LYPLAL1: variants seen among roughly 807,000 people sequenced by gnomAD.
LYPLAL1 encodes the protein lysophospholipase-like protein 1.
In LYPLAL1, 23 loss-of-function variants were observed where a neutral mutation model predicts 19.7. That is an observed-to-expected ratio of 1.17 (90% CI 0.84 to 1.65). The LOEUF is 1.65. LYPLAL1 is among the 40% of genes most tolerant of loss of function. The probability of loss-of-function intolerance (pLI) is 0.00; values close to 1 mark genes in which losing one functional copy is unlikely to be tolerated. For synonymous variants in LYPLAL1, 119 were observed against 96.3 expected (o/e 1.24, Z -1.38); for missense variants, 355 against 279.4 (o/e 1.27, Z -1.93).
chr1:219,225,817 T>C, the LYPLAL1 span, among the ~76,000 whole-genome samples: 1 of 152,116 alleles, frequency 6.6e-6, no homozygotes, highest in Non-Finnish European at 1.5e-5. Context: ...CTGCCTCTCG[T>C]CTCCCATGTT....
At chr1:219,443,880 C>A in the LYPLAL1 span, among the ~76,000 whole-genome samples, 4 of 152,198 alleles carry the variant, frequency 2.6e-5, no homozygotes, top group African/African-American at 9.6e-5. Flanking sequence ...GGGTACCAGG[C>A]TGGAACCAGC....
At chr1:219,204,625 A>C (rs1658397884) in intron 3 of LYPLAL1, among the ~76,000 whole-genome samples, 1 of 152,180 alleles carries the variant, frequency 6.6e-6, no homozygotes, top group Admixed American at 6.5e-5. Flanking sequence ...CTATTTAGGT[A>C]ATGTTTTAAG....
the LYPLAL1 span, among the ~76,000 whole-genome samples, chr1:219,266,151 T>C: frequency 6.6e-6 from 1 of 152,144 alleles, no homozygotes; most frequent in Non-Finnish European, 1.5e-5. Flanking sequence ...TAACATTTTT[T>C]TAAATTTTTG....
chr1:219,292,210 C>T, the LYPLAL1 span, among the ~76,000 whole-genome samples: 1 of 152,316 alleles, frequency 6.6e-6, no homozygotes, highest in Admixed American at 6.5e-5. Context: ...TGCTGACCCC[C>T]TTCACCTCTC....
At chr1:219,207,035 C>G (rs924055517) in intron 3 of LYPLAL1, among the ~76,000 whole-genome samples, 6 of 151,894 alleles carry the variant, frequency 4.0e-5, no homozygotes, top group Non-Finnish European at 7.4e-5. Context: ...ATGGTAGCCA[C>G]TAGCTACATG....
the LYPLAL1 span, among the ~76,000 whole-genome samples, chr1:219,307,426 T>C: frequency 6.6e-6 from 1 of 152,326 alleles, no homozygotes; most frequent in East Asian, 1.9e-4. Flanking sequence ...GGAATACTCA[T>C]TTTGGATTTT....
the LYPLAL1 span, among the ~76,000 whole-genome samples, chr1:219,275,168 T>C: frequency 8.1e-4 from 123 of 152,198 alleles, no homozygotes; most frequent in Non-Finnish European, 1.5e-3. Flanking sequence ...GGAAAATTTA[T>C]TGGGAAAAGA....
At chr1:219,210,788 G>T in intron 4 of LYPLAL1, 141 bp downstream of exon 4, 2 of 688,352 alleles carry the variant, frequency 2.9e-6, no homozygotes, top group Non-Finnish European at 4.5e-6. Flanking sequence ...TGGAATTCAT[G>T]GCCAAATGAG....
chr1:219,196,972 G>A (rs1657656350), intron 3 of LYPLAL1, among the ~76,000 whole-genome samples: 1 of 151,974 alleles, frequency 6.6e-6, no homozygotes, highest in African/African-American at 2.4e-5. Context: ...CACTGCTCAA[G>A]GAAATAAGAG....
At chr1:219,264,213 G>C in the LYPLAL1 span, among the ~76,000 whole-genome samples, 4 of 152,124 alleles carry the variant, frequency 2.6e-5, no homozygotes, top group Non-Finnish European at 5.9e-5. Context: ...TCTAACAGCT[G>C]AATATTTACT....
At chr1:219,310,503 C>T in the LYPLAL1 span, among the ~76,000 whole-genome samples, 1 of 152,092 alleles carries the variant, frequency 6.6e-6, no homozygotes. Context: ...AAGATCAAGG[C>T]CTGTGAGTAA....
the LYPLAL1 span, among the ~76,000 whole-genome samples, chr1:219,224,086 C>A: frequency 7.2e-5 from 11 of 152,022 alleles, no homozygotes; most frequent in African/African-American, 2.7e-4. Context: ...GTTCTTTTGC[C>A]AATGAAATTA....
the LYPLAL1 span, among the ~76,000 whole-genome samples, chr1:219,366,611 G>T: frequency 6.6e-6 from 1 of 152,100 alleles, no homozygotes; most frequent in Non-Finnish European, 1.5e-5. Context: ...CACCATACTT[G>T]TTCTAAAGCT....
chr1:219,371,428 A>G, the LYPLAL1 span, among the ~76,000 whole-genome samples: 1 of 152,236 alleles, frequency 6.6e-6, no homozygotes, highest in African/African-American at 2.4e-5. Context: ...AGACAGAGTC[A>G]TTGACTAATG....
the LYPLAL1 span, among the ~76,000 whole-genome samples, chr1:219,306,845 T>TAGAC: frequency 4.0e-3 from 332 of 83,220 alleles, no homozygotes; most frequent in South Asian, 0.014. Context: ...GATAGATAGA[T>TAGAC]AGATAGACAG....
the LYPLAL1 span, among the ~76,000 whole-genome samples, chr1:219,333,677 C>T: frequency 6.6e-6 from 1 of 151,926 alleles, no homozygotes; most frequent in Non-Finnish European, 1.5e-5. Context: ...ACAGAAAGAA[C>T]AAGTTTTAGG....
chr1:219,300,433 A>T, the LYPLAL1 span, among the ~76,000 whole-genome samples: 1 of 151,646 alleles, frequency 6.6e-6, no homozygotes, highest in East Asian at 1.9e-4. Context: ...ATTTTTAAAA[A>T]TTTTTACTTA....
the LYPLAL1 span, among the ~76,000 whole-genome samples, chr1:219,435,689 G>C: frequency 1.3e-5 from 2 of 152,038 alleles, no homozygotes; most frequent in South Asian, 4.1e-4. Context: ...AGCTGGGTGT[G>C]GTGGTGCATG....
At chr1:219,342,598 C>G in the LYPLAL1 span, among the ~76,000 whole-genome samples, 1 of 152,132 alleles carries the variant, frequency 6.6e-6, no homozygotes, top group Non-Finnish European at 1.5e-5. Flanking sequence ...AAGGGACAAT[C>G]TCAGCCCCTT....
Sources: gnomAD v4.1 joint callset for allele counts (sites outside exome capture counted in the v4.1 genomes callset) on GRCh38, gnomAD v4.1.1 for gene constraint, MANE v1.5 for transcripts, NCBI Gene and HGNC (gene_info 2026-07-23, HGNC 2026-07-21) for gene names.